DTD1: variants seen among roughly 807,000 people sequenced by gnomAD.
The protein encoded by DTD1 is D-aminoacyl-tRNA deacylase 1.
Under a neutral mutation model 25.6 loss-of-function variants are expected in DTD1, and 13 were observed. That is an observed-to-expected ratio of 0.51 (90% CI 0.33 to 0.81). The LOEUF (loss-of-function observed/expected upper bound fraction) is 0.81, where lower values mean the gene tolerates loss of function less well. Ranked by LOEUF, DTD1 falls within the 30% of genes least tolerant of loss-of-function variation. The pLI is 0.02. For synonymous variants in DTD1, 110 were observed against 103.6 expected, an observed-to-expected ratio of 1.06 and a Z score of -0.37; for missense variants, 193 against 266.4, an observed-to-expected ratio of 0.72 and a Z score of 1.92.
chr20:18,631,944 A>G (rs2060789513), intron 4 of DTD1: 3 of 965,328 alleles, frequency 3.1e-6, no homozygotes, highest in Non-Finnish European at 3.7e-6. Context: ...AGATGCAGTT[A>G]TTTTGGGTGA....
intron 4 of DTD1, among the ~76,000 whole-genome samples, chr20:18,679,948 G>T (rs182422888): frequency 6.6e-6 from 1 of 152,110 alleles, no homozygotes; most frequent in Non-Finnish European, 1.5e-5. Flanking sequence ...TCATAAAATT[G>T]GGTCTCCATT....
At chr20:18,726,261 C>T (rs890087211) in intron 4 of DTD1, among the ~76,000 whole-genome samples, 1 of 152,148 alleles carries the variant, frequency 6.6e-6, no homozygotes. Flanking sequence ...GGGGCATTTT[C>T]TTTTCAGGCT....
intron 4 of DTD1, chr20:18,631,224 G>T (rs1047795067): frequency 1.0e-6 from 1 of 985,436 alleles, no homozygotes; most frequent in Non-Finnish European, 1.2e-6. Flanking sequence ...GCCAGGACCA[G>T]CTACATAATT....
intron 4 of DTD1, among the ~76,000 whole-genome samples, chr20:18,659,567 A>T (rs1216337145): frequency 6.6e-6 from 1 of 152,238 alleles, no homozygotes; most frequent in Non-Finnish European, 1.5e-5. Flanking sequence ...TAATCAAAAA[A>T]TATATTTTTT....
At chr20:18,613,314 A>G (rs1283883598) in intron 3 of DTD1, among the ~76,000 whole-genome samples, 1 of 152,198 alleles carries the variant, frequency 6.6e-6, no homozygotes, top group Non-Finnish European at 1.5e-5. Context: ...GAGAGATACT[A>G]AACTAGTGTG....
chr20:18,641,969 T>C (rs942773273), intron 4 of DTD1, among the ~76,000 whole-genome samples: 4 of 152,234 alleles, frequency 2.6e-5, no homozygotes, highest in Admixed American at 6.5e-5. Context: ...TTCTTTATGT[T>C]TTCTTCTGAG....
chr20:18,716,363 C>CT (rs1181159847), intron 4 of DTD1, among the ~76,000 whole-genome samples: 1 of 152,178 alleles, frequency 6.6e-6, no homozygotes, highest in African/African-American at 2.4e-5. Flanking sequence ...CACGTGGGGT[C>CT]TGACTGGTTG....
intron 3 of DTD1, among the ~76,000 whole-genome samples, chr20:18,601,834 C>T (rs7345748): frequency 0.15 from 22,939 of 151,672 alleles, 1,836 homozygotes; most frequent in Admixed American, 0.2. Context: ...AAAAACAGAA[C>T]AGAAAAACTG....
At chr20:18,649,552 T>C (rs2060865505) in intron 4 of DTD1, among the ~76,000 whole-genome samples, 1 of 151,928 alleles carries the variant, frequency 6.6e-6, no homozygotes, top group African/African-American at 2.4e-5. Flanking sequence ...TTAGCCAGGA[T>C]GGTCTCAATC....
rs191419075 is a variant in DTD1 at position 18,663,298 on chromosome 20, T to A, written c.477+35065T>A. Among the ~76,000 whole-genome samples, 853 of 152,026 alleles carry A rather than the reference T, an allele frequency of 5.6e-3. 2 individuals are homozygous for A. The highest frequency in any genetic ancestry group is 8.0e-3 in the Non-Finnish European group (545 of 67,976). On this transcript the variant is annotated intron_variant, in intron 4 of 5. Transcript: ENST00000377452. ...ACTTTGGGAGGCTGAGATGGAAGGATCAATGAGTCCAGGAGTTCTAGGCTA... is the reference window on the plus strand; with the variant it reads ...ACTTTGGGAGGCTGAGATGGAAGGAACAATGAGTCCAGGAGTTCTAGGCTA...
At chr20:18,754,382 T>C (rs2061331334) in intron 5 of DTD1, among the ~76,000 whole-genome samples, 1 of 152,204 alleles carries the variant, frequency 6.6e-6, no homozygotes, top group South Asian at 2.1e-4. Flanking sequence ...TGGTGCTAAG[T>C]TATCAGGCAC....
At chr20:18,758,548 G>A (rs6081357) in intron 5 of DTD1, among the ~76,000 whole-genome samples, 83,918 of 151,994 alleles carry the variant, frequency 0.55, 24,152 homozygotes, top group Non-Finnish European at 0.62. Flanking sequence ...TCATTCAGGA[G>A]CAGGTTGTTC....
chr20:18,747,295 A>G (rs527648406), intron 5 of DTD1, among the ~76,000 whole-genome samples: 11 of 152,232 alleles, frequency 7.2e-5, no homozygotes, highest in East Asian at 3.9e-4. Flanking sequence ...TTTTTCTTCT[A>G]TTGGAGGAAA....
chr20:18,608,728 G>A (rs762308857), intron 3 of DTD1, among the ~76,000 whole-genome samples: 5 of 152,162 alleles, frequency 3.3e-5, no homozygotes. Flanking sequence ...CTGTCATATT[G>A]GATAATGTAG....
In DTD1 at chr20:18,744,200, G is replaced by A. The variant is rs146358079; in HGVS notation, c.578G>A (p.Arg193His). 43 of 1,612,144 alleles carry A rather than the reference G, an allele frequency of 2.7e-5. No homozygotes were observed. Among genetic ancestry groups the A allele is most frequent in the Admixed American group, 2.2e-4 (13 of 60,014 alleles). The change falls in exon 5 of 6, where the codon CGC becomes CAC. Residue 193 changes from arginine to histidine, a missense_variant. Arg to His is a conservative substitution (Grantham distance 29). Coordinates refer to ENST00000377452, the MANE Select transcript of DTD1 (RefSeq NM_080820.6). ...KERNTPRKED[R>H]SASSGAEGDV... ...AGAAACACTCCCCGAAAAGAAGACC[G>A]CAGTGCCAGCAGCGGGGCTGAGGGC...
Position 18,595,641 on chromosome 20 carries a change from C to T in DTD1, c.135-365C>T, listed in dbSNP as rs117484954. 5.9e-3 allele frequency among the ~76,000 whole-genome samples: 903 copies of T among 152,222 alleles called. 5 individuals are homozygous for T. Among genetic ancestry groups the T allele is most frequent in the Non-Finnish European group, 9.3e-3 (632 of 68,012 alleles). ...GTCATTTATCCTAACATGATGAATT[C>T]GTTCATGAAAAATTACAATTGGACC... On this transcript the variant is annotated intron_variant, in intron 2 of 5. Coordinates refer to ENST00000377452, the MANE Select transcript of DTD1 (RefSeq NM_080820.6).
intron 4 of DTD1, among the ~76,000 whole-genome samples, chr20:18,691,364 C>G (rs1482254795): frequency 6.6e-6 from 1 of 152,208 alleles, no homozygotes; most frequent in Non-Finnish European, 1.5e-5. Flanking sequence ...ATGAAATAAT[C>G]TAAGTGCCCA....
At chr20:18,730,086 T>A (rs1232451852) in intron 4 of DTD1, among the ~76,000 whole-genome samples, 1 of 152,180 alleles carries the variant, frequency 6.6e-6, no homozygotes, top group Non-Finnish European at 1.5e-5. Context: ...TATATGCTTT[T>A]TAATGATGAA....
At chr20:18,642,825 CT>C in intron 4 of DTD1, 1 of 161,708 alleles carries the variant, frequency 6.2e-6, no homozygotes, top group Non-Finnish European at 1.4e-5. Flanking sequence ...AACAGGTTCC[CT>C]TTTTCTCTGA....
Sources: gnomAD v4.1 joint callset for allele counts (sites outside exome capture counted in the v4.1 genomes callset) on GRCh38, gnomAD v4.1.1 for gene constraint, MANE v1.5 for transcripts, NCBI Gene and HGNC (gene_info 2026-07-23, HGNC 2026-07-21) for gene names.